RBM5: variants seen among roughly 807,000 people sequenced by gnomAD.
The protein encoded by RBM5 is RNA binding motif protein 5, also known as RNA-binding protein 5.
RBM5 carries 15 observed loss-of-function variants against 124.6 expected under a neutral mutation model. The ratio of observed to expected loss-of-function variants is 0.12; its 90% CI spans 0.08 to 0.19. The LOEUF (loss-of-function observed/expected upper bound fraction) is 0.19. RBM5 is among the 10% of genes least tolerant of loss of function. The probability of loss-of-function intolerance (pLI) is 1.00; values close to 1 mark genes in which losing one functional copy is unlikely to be tolerated. For synonymous variants in RBM5, 337 were observed against 361.2 expected (o/e 0.93, Z 0.76); for missense variants, 580 against 1,026.5 (o/e 0.57, Z 5.94).
chr3:50,106,118 A>ATTTTTTTTTTTTTT (rs61297967), intron 10 of RBM5, among the ~76,000 whole-genome samples: 1 of 32,754 alleles, frequency 3.1e-5, no homozygotes, highest in African/African-American at 9.5e-5. Flanking sequence ...ACGCCCAGCT[A>ATTTTTTTTTTTTTT]TTTTTTTTTT....
At position 50,092,102 on chromosome 3, in the gene RBM5, A is replaced by T. The variant is rs568500178; in HGVS notation, c.77A>T (p.Asp26Val). 7 of 1,614,124 alleles carry T rather than the reference A, an allele frequency of 4.3e-6. No individual in the cohort carries two copies. The South Asian group carries it at 7.7e-5, about 18-fold the overall frequency. ...TCCATCATAGACAGGGATGACCGTG[A>T]TGAGCGTGAATCCCGAAGCAGGCGG... ...YGSIIDRDDR[D>V]ERESRSRRRD... The change falls in exon 3 of 25, where the codon GAT (aspartate) becomes GTT (valine). Residue 26 changes from aspartate to valine, a missense_variant. Asp to Val is a radical substitution (Grantham distance 152, BLOSUM62 -3). Coordinates refer to ENST00000347869, the MANE Select transcript of RBM5 (RefSeq NM_005778.4).
chr3:50,104,373 G>C, intron 8 of RBM5, 65 bp downstream of exon 8: 2 of 1,499,446 alleles, frequency 1.3e-6, no homozygotes, highest in Non-Finnish European at 9.3e-7. Flanking sequence ...GGGAGCAGTG[G>C]CTCACTGTAA....
At chr3:50,114,285 A>T in intron 20 of RBM5, 34 bp downstream of exon 20, 2 of 1,574,014 alleles carry the variant, frequency 1.3e-6, no homozygotes, top group Non-Finnish European at 1.7e-6. Context: ...TAAAGACCCT[A>T]TCTGTGGTTT....
At chr3:50,115,782 T>C in intron 21 of RBM5, 124 bp from the exon 22 acceptor site, 1 of 1,193,408 alleles carries the variant, frequency 8.4e-7, no homozygotes, top group Non-Finnish European at 1.2e-6. Flanking sequence ...CAAACTATAG[T>C]TTTTATGTGA....
At chr3:50,093,677 G>A in intron 3 of RBM5, 43 bp from the exon 4 acceptor site, 1 of 1,596,290 alleles carries the variant, frequency 6.3e-7, no homozygotes, top group Non-Finnish European at 8.6e-7. Context: ...GTTTCAAAGA[G>A]TACAGGGTGA....
rs2091195829 is a variant in RBM5 at position 50,114,085 on chromosome 3, C to G, written c.1753C>G (p.Leu585Val). The G allele has an allele frequency of 2.5e-6, 4 of 1,614,184 alleles. No individual in the cohort carries two copies. Among genetic ancestry groups the G allele is most frequent in the Non-Finnish European group, 2.5e-6 (3 of 1,180,030 alleles). Residue 585 changes from leucine (L) to valine (V), a missense_variant, in exon 19 of 25, where the codon CTC becomes GTC. Physicochemically the swap from Leu to Val is conservative, Grantham distance 32. Transcript: ENST00000347869. ...TGCTGCAGCAGACGCTGGCTTTGCT[C>G]TCTTTGAGAAGAAGGTAATAGCAGG... ...ESAAADAGFA[L>V]FEKKGALAER...
At chr3:50,103,281 T>G in intron 7 of RBM5, 115 bp downstream of exon 7, 1 of 869,896 alleles carries the variant, frequency 1.1e-6, no homozygotes, top group Non-Finnish European at 1.8e-6. Flanking sequence ...TCAGTAATAT[T>G]CATGGTTTGT....
chr3:50,114,281 C>T (rs766971089), intron 20 of RBM5, 30 bp downstream of exon 20: 1 of 1,578,366 alleles, frequency 6.3e-7, no homozygotes, highest in Non-Finnish European at 8.6e-7. Flanking sequence ...GTTTTAAAGA[C>T]CCTATCTGTG....
rs1269511932 is a variant in RBM5 at position 50,107,468 on chromosome 3, C to CT, written c.954-11dup. The CT allele has an allele frequency of 6.4e-7, 1 of 1,560,356 alleles. No homozygotes were observed. The highest frequency in any genetic ancestry group is 8.8e-7 in the Non-Finnish European group (1 of 1,131,636). On this transcript the variant is annotated splice_polypyrimidine_tract_variant and intron_variant, in intron 11 of 24. Transcript: ENST00000347869. ...CTGTGATAGAATCACATGATTGGAT[C>CT]TTTGTGGTTTCAGAGACTTGGTCCT...
intron 17 of RBM5, chr3:50,112,081 T>TC (rs1166770904): frequency 2.1e-5 from 3 of 143,010 alleles, no homozygotes; most frequent in South Asian, 2.2e-4. Context: ...TTTTTTTTTT[T>TC]CCCGTCAGTT....
chr3:50,118,018 T>C, intron 24 of RBM5: 1 of 386,760 alleles, frequency 2.6e-6, no homozygotes, highest in South Asian at 2.8e-5. Context: ...CTGTATAATG[T>C]GTGCCTGTAA....
At chr3:50,104,157 T>C in intron 7 of RBM5, 91 bp from the exon 8 acceptor site, 1 of 1,037,316 alleles carries the variant, frequency 9.6e-7, no homozygotes, top group Non-Finnish European at 1.5e-6. Context: ...TTCTGTTAGT[T>C]ACTGGGACCT....
In RBM5 at chr3:50,100,873, GT is replaced by G. The variant is rs1228608719; in HGVS notation, c.483+271del. ...CTGGTAATCACTAAAACATCTTAATGTTTCCCTTTTTTCTAGTTTGTTATAT... is the reference window on the plus strand; with the variant it reads ...CTGGTAATCACTAAAACATCTTAATGTTCCCTTTTTTCTAGTTTGTTATAT... On this transcript the variant is annotated intron_variant, in intron 6 of 24. Transcript: ENST00000347869. This position sits in a 1 kb window ranked among gnomAD's most constrained non-coding sequence, Gnocchi z 5.1. The G allele has an allele frequency of 3.1e-5, 11 of 354,360 alleles. No individual in the cohort carries two copies. Among genetic ancestry groups the G allele is most frequent in the Non-Finnish European group, 5.6e-5 (11 of 197,354 alleles). 22.0% of individuals were successfully genotyped at this position (354,360 alleles called of 1,614,324 possible). A position where few individuals can be genotyped will look rare whatever the true frequency, so the allele number is the denominator to read the frequency against.
rs2091296363 is a variant in RBM5, at chr3:50,118,358, C to T, written c.2350C>T (p.Leu784=). The part of the protein sequence containing the change: ...EAQVRLKGAG[L]GAKGSAYGLS... ...TCAAGTTCGGCTAAAGGGAGCTGGCCTAGGAGCCAAAGGCAGCGCATATGG... is the reference window on the plus strand; with the variant it reads ...TCAAGTTCGGCTAAAGGGAGCTGGCTTAGGAGCCAAAGGCAGCGCATATGG... The change falls in exon 25 of 25, where the codon CTA becomes TTA. Residue 784 remains leucine, a synonymous_variant. Coordinates refer to ENST00000347869, the MANE Select transcript of RBM5 (RefSeq NM_005778.4). 1.9e-6 allele frequency: 3 copies of T among 1,613,960 alleles called. No homozygotes were observed. Among genetic ancestry groups the T allele is most frequent in the Non-Finnish European group, 2.5e-6 (3 of 1,180,026 alleles).
At chr3:50,109,735 T>C (rs757376759) in intron 15 of RBM5, 47 bp downstream of exon 15, 1 of 1,515,704 alleles carries the variant, frequency 6.6e-7, no homozygotes, top group South Asian at 1.1e-5. Context: ...ATGGGGAAAT[T>C]TTGTTTTGCT....
chr3:50,116,171 A>T, intron 22 of RBM5, 191 bp downstream of exon 22: 2 of 581,710 alleles, frequency 3.4e-6, no homozygotes, highest in Non-Finnish European at 3.1e-6. Context: ...TTGTCCCTTC[A>T]TCATAAGGGT....
intron 4 of RBM5, among the ~76,000 whole-genome samples, chr3:50,098,191 G>A (rs1226495994): frequency 6.6e-6 from 1 of 152,182 alleles, no homozygotes; most frequent in Non-Finnish European, 1.5e-5. Context: ...AGAGCAGGAA[G>A]GCTATTCTTG....
Position 50,108,154 on chromosome 3 carries a change from A to G in RBM5, c.1119+7A>G, listed in dbSNP as rs1203857956. 1.2e-6 allele frequency: 2 copies of G among 1,606,088 alleles called. No homozygotes were observed. The highest frequency in any genetic ancestry group is 2.2e-5 in the East Asian group (1 of 44,866). On this transcript the variant is annotated splice_region_variant and intron_variant, in intron 13 of 24. Coordinates refer to ENST00000347869, the MANE Select transcript of RBM5 (RefSeq NM_005778.4). ...CTATGCCCAATATGCTCAGGTAGGTAGATTTTAGCAGCATCCACCTTATAG... is the reference window on the plus strand; with the variant it reads ...CTATGCCCAATATGCTCAGGTAGGTGGATTTTAGCAGCATCCACCTTATAG...
intron 16 of RBM5, 100 bp from the exon 17 acceptor site, chr3:50,110,577 CAG>C: frequency 1.4e-6 from 2 of 1,433,314 alleles, no homozygotes; most frequent in East Asian, 4.6e-5. Context: ...GGATGTGAGA[CAG>C]AGAAGAAACA....
Sources: gnomAD v4.1 joint callset for allele counts (sites outside exome capture counted in the v4.1 genomes callset) on GRCh38, gnomAD v4.1.1 for gene constraint, Gnocchi (gnomAD v3.1) non-coding constraint, MANE v1.5 for transcripts, NCBI Gene and HGNC (gene_info 2026-07-23, HGNC 2026-07-21) for gene names.